Variants in PCDH15 observed in about 807,000 individuals in gnomAD.
PCDH15 encodes protocadherin-15.
Under a neutral mutation model 178.5 loss-of-function variants are expected in PCDH15, and 129 were observed. That is an observed-to-expected ratio of 0.72 (90% confidence interval 0.63 to 0.84). PCDH15 has a LOEUF of 0.84. Among genes scored for constraint, PCDH15 ranks in the 40% least tolerant of loss-of-function variants. The pLI is 0.00. For missense variants in PCDH15, 2,230 were observed against 2,099.9 expected (o/e 1.06, Z -1.21); for synonymous variants, 800 against 732.0 (o/e 1.09, Z -1.50).
chr10:54,095,075 A>T (rs1325124646), intron 15 of PCDH15, among the ~76,000 whole-genome samples: 2 of 152,214 alleles, frequency 1.3e-5, no homozygotes, highest in Admixed American at 6.5e-5. Context: ...TTCACAGGAC[A>T]TTAAGACAAA....
At chr10:54,268,633 C>G (rs2057848659) in intron 8 of PCDH15, among the ~76,000 whole-genome samples, 1 of 151,814 alleles carries the variant, frequency 6.6e-6, no homozygotes, top group African/African-American at 2.4e-5. Context: ...GCCTGGATGC[C>G]ATTATGCTAA....
chr10:54,307,026 ATATG>A (rs1408096384), intron 8 of PCDH15, among the ~76,000 whole-genome samples: 1 of 28,368 alleles, frequency 3.5e-5, no homozygotes, highest in African/African-American at 1.4e-4. Flanking sequence ...ATATATATAT[ATATG>A]TGTGTGTGTG....
intron 1 of PCDH15, among the ~76,000 whole-genome samples, chr10:54,690,025 G>T (rs1030172028): frequency 1.3e-5 from 2 of 152,156 alleles, no homozygotes; most frequent in African/African-American, 4.8e-5. Flanking sequence ...TCAAGAAATT[G>T]TATAGTCATG....
intron 2 of PCDH15, among the ~76,000 whole-genome samples, chr10:55,056,757 C>T (rs750853616): frequency 2.0e-5 from 3 of 151,528 alleles, no homozygotes; most frequent in South Asian, 2.1e-4. Context: ...CTCAGCCTCC[C>T]GAGTAGCTGG....
At chr10:54,929,060 A>G (rs924283123) in intron 2 of PCDH15, among the ~76,000 whole-genome samples, 3 of 152,186 alleles carry the variant, frequency 2.0e-5, no homozygotes, top group Admixed American at 6.6e-5. Context: ...TTGTGGGCTG[A>G]TGCTAATTCA....
At chr10:55,389,900 A>T in intron 2 of PCDH15, among the ~76,000 whole-genome samples, 1 of 152,304 alleles carries the variant, frequency 6.6e-6, no homozygotes, top group East Asian at 1.9e-4. Context: ...TGAATAAATT[A>T]TAAATCTTGT....
chr10:55,183,500 T>C (rs1446335994), intron 1 of PCDH15, among the ~76,000 whole-genome samples: 1 of 151,806 alleles, frequency 6.6e-6, no homozygotes, highest in East Asian at 1.9e-4. Flanking sequence ...ATCTTAGCTA[T>C]ACAGGAGGAT....
In PCDH15 at chr10:54,925,880, C is replaced by T. The variant is rs188177649; in HGVS notation, c.-79-28380G>A. 2.9e-4 allele frequency among the ~76,000 whole-genome samples: 44 copies of T among 152,116 alleles called. 1 individual carries two copies. Among genetic ancestry groups the T allele is most frequent in the East Asian group, 1.9e-4 (1 of 5,176 alleles). On this transcript the variant is annotated intron_variant, in intron 2 of 5. Transcript: ENST00000458638. ...CTATGGGGTTTTCTAAATATAGGAG[C>T]GTGTCTTCTGCAAACAGGGATAGTT...
intron 15 of PCDH15, among the ~76,000 whole-genome samples, chr10:54,114,162 A>AT (rs1031353281): frequency 6.6e-6 from 1 of 152,050 alleles, no homozygotes; most frequent in Non-Finnish European, 1.5e-5. Flanking sequence ...ATATTTTTTT[A>AT]TTTTTTGAAT....
chr10:55,418,216 C>A (rs965426716), intron 2 of PCDH15, among the ~76,000 whole-genome samples: 2 of 151,582 alleles, frequency 1.3e-5, no homozygotes, highest in Admixed American at 1.3e-4. Context: ...ACATTTATAG[C>A]CAACCTATGA....
chr10:54,194,265 A>G (rs1033937588), intron 11 of PCDH15, among the ~76,000 whole-genome samples: 1 of 152,156 alleles, frequency 6.6e-6, no homozygotes, highest in African/African-American at 2.4e-5. Context: ...AGCTATGTGT[A>G]ATGAGATATT....
At chr10:54,603,024 A>G (rs2134112963) in intron 2 of PCDH15, among the ~76,000 whole-genome samples, 1 of 152,164 alleles carries the variant, frequency 6.6e-6, no homozygotes, top group Non-Finnish European at 1.5e-5. Context: ...AGTTTAAGAA[A>G]TATTATTAAT....
intron 2 of PCDH15, among the ~76,000 whole-genome samples, chr10:55,393,424 A>G (rs1165326651): frequency 6.6e-6 from 1 of 152,120 alleles, no homozygotes; most frequent in African/African-American, 2.4e-5. Flanking sequence ...GTTATTTGTT[A>G]TTTTTGTTTT....
chr10:54,246,330 C>T (rs977139398), intron 8 of PCDH15, among the ~76,000 whole-genome samples: 1 of 151,800 alleles, frequency 6.6e-6, no homozygotes, highest in Non-Finnish European at 1.5e-5. Context: ...CATAACTACC[C>T]CTACTTCCAT....
chr10:53,951,977 AC>A (rs2087106113), intron 23 of PCDH15, among the ~76,000 whole-genome samples: 1 of 152,160 alleles, frequency 6.6e-6, no homozygotes, highest in Non-Finnish European at 1.5e-5. Context: ...GATCTGGTGC[AC>A]TGCAAGCAGA....
intron 2 of PCDH15, among the ~76,000 whole-genome samples, chr10:54,556,677 G>T (rs1474358399): frequency 6.9e-6 from 1 of 144,216 alleles, no homozygotes; most frequent in South Asian, 2.2e-4. Flanking sequence ...TTCAGTGAGA[G>T]CAGGTTAATT....
At chr10:55,530,663 A>G (rs552717335) in intron 2 of PCDH15, among the ~76,000 whole-genome samples, 5 of 152,152 alleles carry the variant, frequency 3.3e-5, no homozygotes, top group Admixed American at 2.6e-4. Context: ...CCCATGATAA[A>G]TATAAACATC....
chr10:53,836,496 T>A (rs551983016), intron 29 of PCDH15, among the ~76,000 whole-genome samples: 1 of 135,832 alleles, frequency 7.4e-6, no homozygotes, highest in South Asian at 2.6e-4. Flanking sequence ...GTAAGAAGAC[T>A]GAGAAAACCC....
chr10:55,052,394 C>T (rs1841186013), intron 2 of PCDH15, among the ~76,000 whole-genome samples: 1 of 150,908 alleles, frequency 6.6e-6, no homozygotes. Context: ...GGCCAAGAAT[C>T]AGTAGGATTT....
Sources: allele counts gnomAD v4.1 joint callset (sites outside exome capture counted in the v4.1 genomes callset), GRCh38; gene constraint gnomAD v4.1.1; transcripts MANE v1.5; gene names NCBI Gene and HGNC (gene_info 2026-07-23, HGNC 2026-07-21).